ABCA1: variants seen among roughly 807,000 people sequenced by gnomAD.
ABCA1 encodes phospholipid-transporting ATPase ABCA1.
In ABCA1, 133 loss-of-function variants were observed where a neutral mutation model predicts 262.5. That is an observed-to-expected ratio of 0.51 (90% confidence interval 0.44 to 0.59). The LOEUF (loss-of-function observed/expected upper bound fraction) is 0.59. Ranked by LOEUF, ABCA1 falls within the 20% of genes least tolerant of loss-of-function variation. The pLI, the probability that ABCA1 is intolerant of heterozygous loss-of-function variation, is 0.00. For missense variants in ABCA1, 2,452 were observed against 2,777.5 expected (o/e 0.88, Z 2.63); for synonymous variants, 1,022 against 1,043.5 (o/e 0.98, Z 0.40).
intron 11 of ABCA1, among the ~76,000 whole-genome samples, chr9:104,835,158 G>A (rs1833697875): frequency 6.6e-6 from 1 of 150,892 alleles, no homozygotes; most frequent in African/African-American, 2.4e-5. Context: ...TGAGACAGGA[G>A]AATTGCTTGA....
At chr9:104,912,390 C>A (rs538925753) in intron 1 of ABCA1, among the ~76,000 whole-genome samples, 2 of 152,248 alleles carry the variant, frequency 1.3e-5, no homozygotes, top group East Asian at 1.9e-4. Context: ...CAGTGCAAGA[C>A]CCTGTCTCAA....
At chr9:104,865,995 T>C (rs1483495694) in intron 5 of ABCA1, among the ~76,000 whole-genome samples, 1 of 152,104 alleles carries the variant, frequency 6.6e-6, no homozygotes, top group South Asian at 2.1e-4. Context: ...TGGCCCAAGA[T>C]GAGGTTTATC....
intron 30 of ABCA1, 88 bp from the exon 31 acceptor site, chr9:104,806,518 C>A: frequency 7.7e-7 from 1 of 1,294,406 alleles, no homozygotes; most frequent in South Asian, 1.2e-5. Context: ...TCCGTAACAA[C>A]CACAAACATG....
chr9:104,916,392 G>A (rs773273122), intron 1 of ABCA1, among the ~76,000 whole-genome samples: 3 of 152,090 alleles, frequency 2.0e-5, no homozygotes, highest in Admixed American at 6.6e-5. Flanking sequence ...GTTGAAAGAC[G>A]CCTTAAGATT....
intron 7 of ABCA1, among the ~76,000 whole-genome samples, chr9:104,846,118 T>C (rs377256528): frequency 3.9e-5 from 6 of 152,262 alleles, no homozygotes; most frequent in Non-Finnish European, 7.3e-5. Context: ...CCAATTCATA[T>C]ATTTAATTGC....
intron 14 of ABCA1, among the ~76,000 whole-genome samples, chr9:104,830,483 A>T (rs189976778): frequency 6.6e-6 from 1 of 152,084 alleles, no homozygotes; most frequent in African/African-American, 2.4e-5. Flanking sequence ...TGAGCTCAGG[A>T]GTTGAAGTCT....
At chr9:104,862,649 C>CGGCCCCCGGGCA (rs1836585421) in intron 5 of ABCA1, among the ~76,000 whole-genome samples, 1 of 11,694 alleles carries the variant, frequency 8.6e-5, no homozygotes, top group Non-Finnish European at 1.8e-4. Context: ...CGGGCCGGGC[C>CGGCCCCCGGGCA]GGGCCGGGCC....
intron 34 of ABCA1, among the ~76,000 whole-genome samples, chr9:104,801,312 C>T (rs60707048): frequency 0.066 from 9,940 of 151,246 alleles, 422 homozygotes; most frequent in East Asian, 0.24. Context: ...CTCCGCCTCC[C>T]GGGTTCAAGT....
At position 104,794,582 on chromosome 9, in the gene ABCA1, T is replaced by C; in HGVS notation, c.5383-72A>G. The C allele has an allele frequency of 3.2e-6, 5 of 1,548,470 alleles. No homozygotes were observed. The South Asian group carries it at 3.5e-5, about 11-fold the overall frequency. On this transcript the variant is annotated intron_variant, in intron 39 of 49. Transcript: ENST00000374736. Reference sequence around the variant, plus strand: ...AGAAACGGGTGTCATTCATGGTTTATCCTAAAAATGTATCAAGTTCTGAAA... The same window carrying C: ...AGAAACGGGTGTCATTCATGGTTTACCCTAAAAATGTATCAAGTTCTGAAA...
At chr9:104,792,546 A>C (rs1829517691) in intron 42 of ABCA1, among the ~76,000 whole-genome samples, 1 of 152,212 alleles carries the variant, frequency 6.6e-6, no homozygotes, top group African/African-American at 2.4e-5. Flanking sequence ...TAACACATAA[A>C]TGTAAGCATA....
At chr9:104,853,950 G>A (rs551929870) in intron 7 of ABCA1, among the ~76,000 whole-genome samples, 2 of 152,198 alleles carry the variant, frequency 1.3e-5, no homozygotes, top group South Asian at 2.1e-4. Flanking sequence ...CAAATGCACT[G>A]TGTAGATGTA....
chr9:104,821,960 A>T (rs1194637907), intron 19 of ABCA1, among the ~76,000 whole-genome samples: 1 of 152,178 alleles, frequency 6.6e-6, no homozygotes, highest in African/African-American at 2.4e-5. Flanking sequence ...ACAGGAAAAG[A>T]ATGTCACCCC....
intron 1 of ABCA1, among the ~76,000 whole-genome samples, chr9:104,915,986 T>G (rs575875156): frequency 1.3e-5 from 2 of 152,126 alleles, no homozygotes; most frequent in Non-Finnish European, 2.9e-5. Flanking sequence ...TGGAACCAAG[T>G]GTCAGACAGC....
intron 1 of ABCA1, among the ~76,000 whole-genome samples, chr9:104,907,886 G>A (rs186242493): frequency 1.1e-3 from 160 of 152,318 alleles, no homozygotes; most frequent in African/African-American, 3.8e-3. Context: ...GCCAAAATGT[G>A]ACAATCTCCA....
intron 8 of ABCA1, among the ~76,000 whole-genome samples, chr9:104,842,017 G>A (rs1429049575): frequency 1.3e-5 from 2 of 152,228 alleles, no homozygotes; most frequent in African/African-American, 4.8e-5. Context: ...GAAGGGCCAC[G>A]AGGCCCTGCA....
rs1168950687 is a variant in ABCA1, at chr9:104,817,726, A to G, written c.3463-322T>C. 2.0e-5 allele frequency among the ~76,000 whole-genome samples: 3 copies of G among 152,230 alleles called. No homozygotes were observed. The highest frequency in any genetic ancestry group is 6.5e-5 in the Admixed American group (1 of 15,286). ...CTTTACCTGGCTACATGTCTAGTTC[A>G]ATGCTTCTCATGCTTTAATGTGTGT... On this transcript the variant is annotated intron_variant, in intron 23 of 49. Transcript: ENST00000374736. The surrounding 1 kb of genome is among the most constrained non-coding windows in gnomAD (Gnocchi z 4.7).
intron 35 of ABCA1, 113 bp from the exon 36 acceptor site, chr9:104,800,101 C>A (rs1830205808): frequency 2.6e-6 from 3 of 1,164,464 alleles, no homozygotes; most frequent in African/African-American, 1.5e-5. Context: ...TAGTCACATA[C>A]CAAGGCAAAA....
At chr9:104,911,612 G>A (rs1329474254) in intron 1 of ABCA1, among the ~76,000 whole-genome samples, 1 of 152,148 alleles carries the variant, frequency 6.6e-6, no homozygotes. Context: ...GCCTCCAGAT[G>A]CTACTGGGCC....
chr9:104,803,351 G>T lies in ABCA1; in HGVS notation c.4560-35C>A, dbSNP rs1026496616. 5 of 1,605,558 alleles carry T rather than the reference G, an allele frequency of 3.1e-6. No individual in the cohort carries two copies. The African/African-American group carries it at 6.7e-5, about 21-fold the overall frequency. On this transcript the variant is annotated intron_variant, in intron 32 of 49. Coordinates refer to ENST00000374736, the MANE Select transcript of ABCA1 (RefSeq NM_005502.4). ...CAAAGAAACAAAAAATCAGTTCAAA[G>T]AAAGCACTGAGCCTATTCCTAATGA...
Sources: allele counts gnomAD v4.1 joint callset (sites outside exome capture counted in the v4.1 genomes callset), GRCh38; gene constraint gnomAD v4.1.1; non-coding constraint Gnocchi (gnomAD v3.1); transcripts MANE v1.5; gene names NCBI Gene and HGNC (gene_info 2026-07-23, HGNC 2026-07-21).